The following PTPRT variants were observed in gnomAD, a reference collection of about 807,000 sequenced individuals.
PTPRT encodes protein tyrosine phosphatase receptor type T.
In PTPRT, 56 loss-of-function variants were observed where a neutral mutation model predicts 176.8. The observed-to-expected ratio is 0.32, with a 90% confidence interval of 0.26 to 0.40. The LOEUF (loss-of-function observed/expected upper bound fraction) is 0.40, where lower values mean the gene tolerates loss of function less well. Among genes scored for constraint, PTPRT ranks in the 10% least tolerant of loss-of-function variants. The pLI, the probability that PTPRT is intolerant of heterozygous loss-of-function variation, is 1.00. For missense variants in PTPRT, 1,540 were observed against 1,908.2 expected (o/e 0.81, Z 3.60); for synonymous variants, 783 against 739.0 (o/e 1.06, Z -0.96).
At chr20:42,161,575 C>T (rs1051498898) in intron 16 of PTPRT, 33 bp from the exon 17 acceptor site, 1 of 1,551,832 alleles carries the variant, frequency 6.4e-7, no homozygotes, top group African/African-American at 1.4e-5. Context: ...CAGATCATCA[C>T]CTATAGAAGC....
intron 7 of PTPRT, among the ~76,000 whole-genome samples, chr20:42,614,837 G>A (rs951505692): frequency 8.3e-4 from 126 of 152,112 alleles, no homozygotes; most frequent in Non-Finnish European, 1.8e-4. Context: ...AGGCAAGGAA[G>A]AGCAAGTCAC....
intron 15 of PTPRT, among the ~76,000 whole-genome samples, chr20:42,235,980 G>A (rs1235401731): frequency 7.9e-5 from 12 of 152,110 alleles, no homozygotes; most frequent in Admixed American, 7.9e-4. Flanking sequence ...TCACAAAGGA[G>A]AAACAGCCCT....
chr20:42,684,782 C>CTA (rs1321311771), intron 6 of PTPRT, among the ~76,000 whole-genome samples: 1 of 152,072 alleles, frequency 6.6e-6, no homozygotes, highest in East Asian at 1.9e-4. Context: ...TAACAGATAT[C>CTA]TATCAAAACA....
chr20:42,157,084 CCT>C (rs1341086331), intron 17 of PTPRT, among the ~76,000 whole-genome samples: 1 of 152,158 alleles, frequency 6.6e-6, no homozygotes, highest in Non-Finnish European at 1.5e-5. Flanking sequence ...GCTCACTCTT[CCT>C]CTGCCACCCT....
At chr20:42,428,111 T>C (rs1262221459) in intron 9 of PTPRT, among the ~76,000 whole-genome samples, 2 of 152,116 alleles carry the variant, frequency 1.3e-5, no homozygotes, top group African/African-American at 4.8e-5. Context: ...AACCACTACA[T>C]TGGGAATTAG....
chr20:43,090,457 A>ACCGTATTAGC (rs2011788536), intron 1 of PTPRT, among the ~76,000 whole-genome samples: 1 of 152,052 alleles, frequency 6.6e-6, no homozygotes, highest in Admixed American at 6.5e-5. Flanking sequence ...TTTAGTAGAG[A>ACCGTATTAGC]CAGGGTTTCA....
rs147674125 is a variant in PTPRT at position 42,535,857 on chromosome 20, C to A, written c.1154-63295G>T. ...GCAGATCCATAGCCTATTCCATGGC[C>A]ATTGGGGTGGCCAGATCAGGGGCAA... On this transcript the variant is annotated intron_variant, in intron 7 of 30. Transcript: ENST00000373187. Among the ~76,000 whole-genome samples the A allele has an allele frequency of 1.8e-3, 281 of 152,254 alleles. 1 individual carries two copies. Among genetic ancestry groups the A allele is most frequent in the African/African-American group, 6.5e-3 (271 of 41,556 alleles).
intron 1 of PTPRT, among the ~76,000 whole-genome samples, chr20:42,941,091 T>TAAG (rs1980522100): frequency 6.8e-6 from 1 of 146,724 alleles, no homozygotes; most frequent in African/African-American, 2.6e-5. Flanking sequence ...CAAAAAAAAA[T>TAAG]AATAATAATA....
chr20:42,461,444 G>A (rs2071018212), intron 8 of PTPRT, among the ~76,000 whole-genome samples: 1 of 152,158 alleles, frequency 6.6e-6, no homozygotes, highest in Non-Finnish European at 1.5e-5. Flanking sequence ...GGGTGAGGTG[G>A]GAGGGCCGTT....
chr20:42,518,978 CCCTT>C (rs1412198372), intron 7 of PTPRT, among the ~76,000 whole-genome samples: 1 of 151,940 alleles, frequency 6.6e-6, no homozygotes, highest in Non-Finnish European at 1.5e-5. Context: ...CTCTCATGTA[CCCTT>C]TATCCAGTTT....
At chr20:42,763,766 T>C (rs1292048776) in intron 5 of PTPRT, among the ~76,000 whole-genome samples, 2 of 152,164 alleles carry the variant, frequency 1.3e-5, no homozygotes. Flanking sequence ...TCAGAAGAAA[T>C]AGAAGTAGAC....
At chr20:42,168,666 C>G (rs1989940095) in intron 16 of PTPRT, among the ~76,000 whole-genome samples, 1 of 152,194 alleles carries the variant, frequency 6.6e-6, no homozygotes, top group South Asian at 2.1e-4. Context: ...CATAATCTCT[C>G]AATTGATTCA....
chr20:42,907,137 G>T (rs1354860088), intron 1 of PTPRT, among the ~76,000 whole-genome samples: 1 of 152,076 alleles, frequency 6.6e-6, no homozygotes, highest in Non-Finnish European at 1.5e-5. Flanking sequence ...GAAAGAAAAA[G>T]AAATCATCAT....
Position 42,526,360 on chromosome 20 carries a change from T to G in PTPRT, c.1154-53798A>C, listed in dbSNP as rs186635266. On this transcript the variant is annotated intron_variant, in intron 7 of 30. Transcript: ENST00000373187. ...CTGATTTCCATTTCCTTTTCCTCAT[T>G]GTTGTTCATGCCTTTAATGTTTTCA... is the stretch of plus-strand genomic sequence containing the variant. 8.8e-4 allele frequency among the ~76,000 whole-genome samples: 134 copies of G among 152,296 alleles called. 1 individual carries two copies. Among genetic ancestry groups the G allele is most frequent in the Non-Finnish European group, 1.5e-3 (102 of 68,024 alleles).
intron 7 of PTPRT, among the ~76,000 whole-genome samples, chr20:42,663,248 G>C (rs2146009634): frequency 6.6e-6 from 1 of 152,248 alleles, no homozygotes. Context: ...AACTGCTCTA[G>C]GAACTTGAAT....
rs1372326325 is a variant in PTPRT, at chr20:42,899,798, TATCAGAGG to T, written c.89-13874_89-13867del. Among the ~76,000 whole-genome samples, 28 of 152,330 alleles carry T rather than the reference TATCAGAGG, an allele frequency of 1.8e-4. No homozygotes were observed. In the South Asian group the frequency reaches 4.6e-3, roughly 25 times the overall value. On this transcript the variant is annotated intron_variant, in intron 1 of 30. Transcript: ENST00000373187. ...GAAGTGTCAGAAGCACAAGATTTGG[TATCAGAGG>T]ATGATGCATGGCTTGGTTATGGCAC...
intron 2 of PTPRT, among the ~76,000 whole-genome samples, chr20:42,799,761 G>T (rs191197060): frequency 6.6e-6 from 1 of 152,244 alleles, no homozygotes; most frequent in Non-Finnish European, 1.5e-5. Flanking sequence ...ACACTGCCCC[G>T]TAAGCAAGAA....
At chr20:42,718,928 G>C (rs2146223980) in intron 6 of PTPRT, among the ~76,000 whole-genome samples, 1 of 152,356 alleles carries the variant, frequency 6.6e-6, no homozygotes, top group East Asian at 1.9e-4. Context: ...AGTGATACTA[G>C]TGATGGTAGG....
intron 6 of PTPRT, among the ~76,000 whole-genome samples, chr20:42,733,489 C>T (rs943266039): frequency 3.3e-5 from 5 of 152,318 alleles, no homozygotes; most frequent in Admixed American, 2.0e-4. Flanking sequence ...TCATCTCCAT[C>T]GCCCCCACTT....
Sources: allele counts gnomAD v4.1 joint callset (sites outside exome capture counted in the v4.1 genomes callset), GRCh38; gene constraint gnomAD v4.1.1; transcripts MANE v1.5; gene names NCBI Gene and HGNC (gene_info 2026-07-23, HGNC 2026-07-21).